SBNO1: variants seen among roughly 807,000 people sequenced by gnomAD.
SBNO1 encodes the protein strawberry notch homolog 1, also known as protein strawberry notch homolog 1.
A neutral mutation model predicts 173.6 loss-of-function variants in SBNO1; 23 were observed. The ratio of observed to expected loss-of-function variants is 0.13; its 90% confidence interval spans 0.10 to 0.19. The LOEUF (loss-of-function observed/expected upper bound fraction) is 0.19, where lower values mean the gene tolerates loss of function less well. Ranked by LOEUF, SBNO1 falls within the 10% of genes least tolerant of loss-of-function variation. The pLI is 1.00. For synonymous variants in SBNO1, 632 were observed against 571.5 expected, an observed-to-expected ratio of 1.11 and a Z score of -1.51; for missense variants, 1,238 against 1,671.2, an observed-to-expected ratio of 0.74 and a Z score of 4.52.
At chr12:123,355,285 C>T (rs1224825290) in intron 1 of SBNO1, among the ~76,000 whole-genome samples, 1 of 152,114 alleles carries the variant, frequency 6.6e-6, no homozygotes, top group Non-Finnish European at 1.5e-5. Flanking sequence ...TCCCAAAGTG[C>T]TGGGATTGCA....
chr12:123,307,986 C>T (rs775144186), intron 28 of SBNO1, among the ~76,000 whole-genome samples: 13 of 152,034 alleles, frequency 8.6e-5, no homozygotes, highest in African/African-American at 2.4e-4. Flanking sequence ...GCAGGAGAAT[C>T]GCTTGAACCT....
rs1171012530 is a variant in SBNO1 at position 123,364,021 on chromosome 12, C to CA, written c.-1+679dup. 11 of 985,376 alleles carry CA rather than the reference C, an allele frequency of 1.1e-5. No individual in the cohort carries two copies. The African/African-American group carries it at 1.9e-4, about 17-fold the overall frequency. 61.0% of individuals were successfully genotyped at this position (985,376 alleles called of 1,614,324 possible). ...AACGCTCTCAAAGTAAGCAAATCCC[C>CA]AACTGCCGTTCCCCTCCATGGGTAA... On this transcript the variant is annotated intron_variant, in intron 1 of 31. Coordinates refer to ENST00000602398, the MANE Select transcript of SBNO1 (RefSeq NM_001167856.3).
chr12:123,320,690 T>C lies in SBNO1; in HGVS notation c.2491+9A>G. ...CAGTATTTCAAAAAGGAAGTTTCTG[T>C]ATGGATACCTGGTGTACTGTTAGGA... On this transcript the variant is annotated intron_variant, in intron 18 of 31. Transcript: ENST00000602398. The C allele has an allele frequency of 1.9e-6, 3 of 1,596,420 alleles. No homozygotes were observed. Among genetic ancestry groups the C allele is most frequent in the Admixed American group, 1.8e-5 (1 of 55,422 alleles).
chr12:123,325,878 C>T (rs12304248), intron 14 of SBNO1, among the ~76,000 whole-genome samples: 41,131 of 151,950 alleles, frequency 0.27, 6,751 homozygotes, highest in African/African-American at 0.45. Flanking sequence ...TAAATATTCA[C>T]CGAAAAGAAA....
intron 28 of SBNO1, among the ~76,000 whole-genome samples, chr12:123,307,398 A>G (rs571344266): frequency 3.3e-5 from 5 of 152,256 alleles, no homozygotes; most frequent in Admixed American, 6.5e-5. Context: ...GAGGACATGC[A>G]ATATAGACCA....
intron 5 of SBNO1, among the ~76,000 whole-genome samples, chr12:123,337,342 A>C (rs952463622): frequency 1.3e-5 from 2 of 152,224 alleles, no homozygotes; most frequent in Non-Finnish European, 2.9e-5. Flanking sequence ...TCATTAGGCA[A>C]CTGTTTATTA....
rs2048582898 is a variant in SBNO1, at chr12:123,295,785, A to AAACT, written c.*119_*122dup. 1.5e-6 allele frequency: 2 copies of AAACT among 1,362,498 alleles called. No homozygotes were observed. The highest frequency in any genetic ancestry group is 2.0e-6 in the Non-Finnish European group (2 of 999,726). The allele number at this position is 1,362,498 out of a possible 1,614,324, so 84.4% of individuals were successfully genotyped here. On this transcript the variant is annotated 3_prime_UTR_variant, in exon 32 of 32. Coordinates refer to ENST00000602398, the MANE Select transcript of SBNO1 (RefSeq NM_001167856.3). ...TCCAGGTTTGTCCTTACTCCCAAAA[A>AAACT]AACTAACTAGAGAGCACAACTGAAA...
intron 13 of SBNO1, 33 bp from the exon 14 acceptor site, chr12:123,326,367 C>G: frequency 7.0e-7 from 1 of 1,423,896 alleles, no homozygotes; most frequent in South Asian, 1.4e-5. Flanking sequence ...TCAGACACTT[C>G]ATCTTTGAGT....
intron 10 of SBNO1, among the ~76,000 whole-genome samples, chr12:123,328,377 T>C (rs984255678): frequency 3.3e-5 from 5 of 152,222 alleles, no homozygotes; most frequent in African/African-American, 1.2e-4. Flanking sequence ...TGCAGGACAG[T>C]TAAAAGATAT....
At chr12:123,342,324 G>A (rs1265385986) in intron 4 of SBNO1, among the ~76,000 whole-genome samples, 2 of 151,842 alleles carry the variant, frequency 1.3e-5, no homozygotes, top group Admixed American at 6.6e-5. Context: ...GGTGGCGGGC[G>A]CCTGTAGTCC....
In SBNO1 at chr12:123,327,600, C is replaced by T. The variant is rs1342833516; in HGVS notation, c.1539-21G>A. The T allele has an allele frequency of 4.4e-6, 7 of 1,608,004 alleles. No homozygotes were observed. The South Asian group carries it at 5.5e-5, about 13-fold the overall frequency. On this transcript the variant is annotated intron_variant, in intron 12 of 31. Coordinates refer to ENST00000602398, the MANE Select transcript of SBNO1 (RefSeq NM_001167856.3). ...CTCCTCTGAATAAAATTAAAACATA[C>T]AGTAATTACCAATACAGTAGAATTT...
chr12:123,326,463 C>G, intron 13 of SBNO1, 129 bp from the exon 14 acceptor site: 1 of 508,136 alleles, frequency 2.0e-6, no homozygotes, highest in Non-Finnish European at 3.2e-6. Flanking sequence ...TCTTTAGTAA[C>G]TTGGGAATCT....
At chr12:123,356,277 G>A (rs565311779) in intron 1 of SBNO1, among the ~76,000 whole-genome samples, 2 of 152,292 alleles carry the variant, frequency 1.3e-5, no homozygotes, top group African/African-American at 4.8e-5. Flanking sequence ...ACTACCTGGA[G>A]TAAATGTTAG....
intron 10 of SBNO1, 107 bp from the exon 11 acceptor site, chr12:123,328,134 T>C: frequency 3.6e-6 from 3 of 829,208 alleles, no homozygotes; most frequent in Non-Finnish European, 5.6e-6. Flanking sequence ...GATTGCCTAT[T>C]TCATGACTGC....
At chr12:123,322,992 G>C (rs554208931) in intron 16 of SBNO1, among the ~76,000 whole-genome samples, 82 of 152,162 alleles carry the variant, frequency 5.4e-4, no homozygotes, top group Non-Finnish European at 9.4e-4. Flanking sequence ...ACAGGTTTTA[G>C]TTCCCATGCA....
At chr12:123,356,615 T>G (rs1285017380) in intron 1 of SBNO1, among the ~76,000 whole-genome samples, 1 of 152,238 alleles carries the variant, frequency 6.6e-6, no homozygotes, top group African/African-American at 2.4e-5. Context: ...CTAATTTTTT[T>G]GTATTTTTAG....
chr12:123,359,087 C>A (rs1161715941), intron 1 of SBNO1, among the ~76,000 whole-genome samples: 2 of 151,824 alleles, frequency 1.3e-5, no homozygotes, highest in Non-Finnish European at 2.9e-5. Flanking sequence ...CGCCCACCAC[C>A]ATACTCAGCT....
intron 30 of SBNO1, among the ~76,000 whole-genome samples, chr12:123,301,936 A>G (rs185857219): frequency 6.6e-6 from 1 of 150,984 alleles, no homozygotes; most frequent in Admixed American, 6.6e-5. Context: ...GAGGGCGAAA[A>G]AGTGGTTTGT....
intron 1 of SBNO1, among the ~76,000 whole-genome samples, chr12:123,356,419 C>G (rs1358124939): frequency 6.6e-6 from 1 of 152,080 alleles, no homozygotes; most frequent in African/African-American, 2.4e-5. Flanking sequence ...AAATAATTAA[C>G]TTTCATACTA....
Sources: gnomAD v4.1 joint callset for allele counts (sites outside exome capture counted in the v4.1 genomes callset) on GRCh38, gnomAD v4.1.1 for gene constraint, MANE v1.5 for transcripts, NCBI Gene and HGNC (gene_info 2026-07-23, HGNC 2026-07-21) for gene names.